Variants in GPC6 observed in about 807,000 individuals in gnomAD.
GPC6 encodes the protein glypican 6.
GPC6 carries 14 observed loss-of-function variants against 55.2 expected under a neutral mutation model. The ratio of observed to expected loss-of-function variants is 0.25; its 90% confidence interval spans 0.17 to 0.40. The LOEUF (loss-of-function observed/expected upper bound fraction) is 0.40. Among genes scored for constraint, GPC6 ranks in the 10% least tolerant of loss-of-function variants. The pLI is 1.00. For synonymous variants in GPC6, 278 were observed against 259.6 expected, an observed-to-expected ratio of 1.07 and a Z score of -0.68; for missense variants, 641 against 708.5, an observed-to-expected ratio of 0.90 and a Z score of 1.08.
intron 3 of GPC6, among the ~76,000 whole-genome samples, chr13:93,934,317 A>G (rs1878325915): frequency 6.6e-6 from 1 of 152,210 alleles, no homozygotes; most frequent in South Asian, 2.1e-4. Context: ...AAAAAAGAAT[A>G]TAAGGTATCT....
chr13:93,486,592 T>C (rs1281241446), intron 1 of GPC6, among the ~76,000 whole-genome samples: 1 of 152,178 alleles, frequency 6.6e-6, no homozygotes, highest in Non-Finnish European at 1.5e-5. Context: ...TGCAGTGATT[T>C]CTAAATATTT....
chr13:94,386,186 C>A (rs553269102), intron 7 of GPC6, among the ~76,000 whole-genome samples: 1 of 151,684 alleles, frequency 6.6e-6, no homozygotes, highest in Non-Finnish European at 1.5e-5. Flanking sequence ...GGTGAAACCC[C>A]GTCTCTACTA....
At chr13:93,543,193 G>A (rs879156572) in intron 1 of GPC6, among the ~76,000 whole-genome samples, 5 of 152,138 alleles carry the variant, frequency 3.3e-5, no homozygotes, top group South Asian at 2.1e-4. Flanking sequence ...TTTGAGATAC[G>A]TCCCATCAAT....
intron 1 of GPC6, among the ~76,000 whole-genome samples, chr13:93,275,575 G>T (rs1877705256): frequency 6.6e-6 from 1 of 152,270 alleles, no homozygotes; most frequent in Admixed American, 6.5e-5. Flanking sequence ...AGAGATCAAG[G>T]TATAGGCAGC....
At chr13:93,842,325 A>G (rs1267383181) in intron 3 of GPC6, among the ~76,000 whole-genome samples, 3 of 152,196 alleles carry the variant, frequency 2.0e-5, no homozygotes, top group Admixed American at 1.3e-4. Context: ...ATTCTGCTGC[A>G]TCGGTAGAGA....
intron 4 of GPC6, among the ~76,000 whole-genome samples, chr13:94,232,662 T>C (rs918569527): frequency 4.6e-5 from 7 of 152,286 alleles, no homozygotes; most frequent in Non-Finnish European, 1.0e-4. Flanking sequence ...GAAGAGCTTA[T>C]GGATTTTATT....
chr13:94,147,302 T>G (rs1274134586), intron 4 of GPC6, among the ~76,000 whole-genome samples: 2 of 152,126 alleles, frequency 1.3e-5, no homozygotes, highest in Non-Finnish European at 2.9e-5. Context: ...TCCTGTCACC[T>G]CTGTTAGATG....
chr13:94,365,339 C>A (rs9561545), intron 6 of GPC6, among the ~76,000 whole-genome samples: 65,128 of 151,998 alleles, frequency 0.43, 14,072 homozygotes, highest in East Asian at 0.55. Flanking sequence ...ATTAGTATCT[C>A]ATCCTATTGT....
chr13:93,942,434 C>G (rs765709213), intron 3 of GPC6, among the ~76,000 whole-genome samples: 1 of 152,192 alleles, frequency 6.6e-6, no homozygotes, highest in Non-Finnish European at 1.5e-5. Flanking sequence ...ATCCTCCCAC[C>G]TCAGCCTCCT....
chr13:93,911,389 T>C (rs1876969340), intron 3 of GPC6, among the ~76,000 whole-genome samples: 1 of 144,784 alleles, frequency 6.9e-6, no homozygotes, highest in Non-Finnish European at 1.5e-5. Context: ...GTAACTACCA[T>C]GAATAAAGAT....
chr13:93,689,512 G>A (rs757492620), intron 2 of GPC6, among the ~76,000 whole-genome samples: 5 of 152,084 alleles, frequency 3.3e-5, no homozygotes, highest in Admixed American at 1.3e-4. Flanking sequence ...CTTGAGAAAT[G>A]TATGGCATTT....
chr13:93,321,038 C>T (rs1879419934), intron 1 of GPC6, among the ~76,000 whole-genome samples: 1 of 151,982 alleles, frequency 6.6e-6, no homozygotes, highest in African/African-American at 2.4e-5. Context: ...TGTTAATTTC[C>T]AGGTCAGCAT....
At chr13:93,563,374 A>G (rs578046177) in intron 2 of GPC6, among the ~76,000 whole-genome samples, 61 of 152,276 alleles carry the variant, frequency 4.0e-4, no homozygotes, top group African/African-American at 1.3e-3. Flanking sequence ...TGCAAAGTTA[A>G]CAGTAGTATC....
At chr13:93,947,325 T>G (rs1156992804) in intron 3 of GPC6, among the ~76,000 whole-genome samples, 5 of 152,010 alleles carry the variant, frequency 3.3e-5, no homozygotes, top group Non-Finnish European at 7.4e-5. Flanking sequence ...AACATTCACA[T>G]AAATTCATGA....
chr13:94,112,322 T>C (rs1886275402), intron 4 of GPC6, among the ~76,000 whole-genome samples: 1 of 152,150 alleles, frequency 6.6e-6, no homozygotes, highest in Admixed American at 6.5e-5. Context: ...TAAAGTACAG[T>C]TCTTCAAATT....
chr13:93,923,942 A>T (rs1173495100), intron 3 of GPC6, among the ~76,000 whole-genome samples: 2 of 152,166 alleles, frequency 1.3e-5, no homozygotes, highest in Non-Finnish European at 2.9e-5. Context: ...ATGTAGCTTC[A>T]AATCCACATC....
intron 2 of GPC6, among the ~76,000 whole-genome samples, chr13:93,804,006 T>A (rs1886461968): frequency 6.6e-6 from 1 of 152,190 alleles, no homozygotes; most frequent in Non-Finnish European, 1.5e-5. Flanking sequence ...TTGCACATCC[T>A]AGAGCAGTTA....
At chr13:93,687,389 G>A (rs896755949) in intron 2 of GPC6, among the ~76,000 whole-genome samples, 4 of 152,040 alleles carry the variant, frequency 2.6e-5, no homozygotes, top group Non-Finnish European at 5.9e-5. Flanking sequence ...GTTGAAGTAA[G>A]CCAATTTATG....
intron 4 of GPC6, among the ~76,000 whole-genome samples, chr13:94,054,282 G>A (rs1368607291): frequency 2.0e-5 from 3 of 152,196 alleles, no homozygotes; most frequent in East Asian, 1.9e-4. Flanking sequence ...CCAGTGTCAC[G>A]GAGGATGGCT....
Sources: gnomAD v4.1 joint callset for allele counts (sites outside exome capture counted in the v4.1 genomes callset) on GRCh38, gnomAD v4.1.1 for gene constraint, MANE v1.5 for transcripts, NCBI Gene and HGNC (gene_info 2026-07-23, HGNC 2026-07-21) for gene names.